The following SLC49A3 variants were observed in gnomAD, a reference collection of about 807,000 sequenced individuals.
SLC49A3 encodes solute carrier family 49 member 3.
A neutral mutation model predicts 43.8 loss-of-function variants in SLC49A3; 50 were observed. That is an observed-to-expected ratio of 1.14 (90% confidence interval 0.91 to 1.45). SLC49A3 has a LOEUF of 1.45. Among genes scored for constraint, SLC49A3 ranks in the 40% most tolerant of loss-of-function variants. SLC49A3 has a pLI of 0.00. For synonymous variants in SLC49A3, 413 were observed against 352.0 expected, an observed-to-expected ratio of 1.17 and a Z score of -1.94; for missense variants, 906 against 774.1, an observed-to-expected ratio of 1.17 and a Z score of -2.02.
In SLC49A3 at chr4:685,806, CCAGGCA is replaced by C. The variant is rs1397756945; in HGVS notation, c.585+23_585+28del. The C allele has an allele frequency of 1.2e-6, 2 of 1,612,238 alleles. No homozygotes were observed. The highest frequency in any genetic ancestry group is 2.2e-5 in the South Asian group (2 of 91,014). On this transcript the variant is annotated intron_variant, in intron 4 of 9. Coordinates refer to ENST00000322224, the MANE Select transcript of SLC49A3 (RefSeq NM_032219.4). The surrounding 1 kb of genome is among the most constrained non-coding windows in gnomAD (Gnocchi z 4.3). ...CGTGCATGCGCACACACCACACAGA[CCAGGCA>C]CGGGCGTCTCATGACCCCTCACCAT... is the stretch of plus-strand genomic sequence containing the variant.
chr4:682,047 CG>C lies in SLC49A3; in HGVS notation c.1590del (p.Gly531AlafsTer27). Reference sequence around the variant, plus strand: ...GCTTGGACCCTGCCTGCGAGTCTGCCGGGGCGGGAGGGCGCGTCGGTGGCTG... The same window carrying C: ...GCTTGGACCCTGCCTGCGAGTCTGCCGGGCGGGAGGGCGCGTCGGTGGCTG... The part of the protein sequence containing the change: ...GPAATDAPSR[P>X]GRLAGRVQAS... On this transcript the variant is annotated frameshift_variant, in exon 10 of 10. Transcript: ENST00000322224. LOFTEE classifies it low-confidence loss of function (END_TRUNC). 1 of 1,419,638 alleles carries C rather than the reference CG, an allele frequency of 7.0e-7. No individual in the cohort carries two copies. The allele number at this position is 1,419,638 out of a possible 1,614,324, so 87.9% of individuals were successfully genotyped here.
chr4:688,905 C>T, intron 1 of SLC49A3, 88 bp downstream of exon 1: 1 of 1,479,978 alleles, frequency 6.8e-7, no homozygotes. Flanking sequence ...GCACCTGGCA[C>T]CTCGGGCTGT....
chr4:681,993 G>A lies in SLC49A3; in HGVS notation c.1645C>T (p.His549Tyr), dbSNP rs371278586. The A allele has an allele frequency of 7.8e-6, 11 of 1,413,938 alleles. No individual in the cohort carries two copies. Among genetic ancestry groups the A allele is most frequent in the Non-Finnish European group, 1.0e-5 (11 of 1,070,276 alleles). The allele number at this position is 1,413,938 out of a possible 1,614,324, so 87.6% of individuals were successfully genotyped here. Residue 549 changes from histidine (H) to tyrosine (Y), a missense_variant, in exon 10 of 10, where the codon CAC becomes TAC. Coordinates refer to ENST00000322224, the MANE Select transcript of SLC49A3 (RefSeq NM_032219.4). Reference protein sequence around the residue: ...ASRFIDPAGSHSSFSSPWVIT With the variant: ...ASRFIDPAGSYSSFSSPWVIT ...ACCCACGGGGAGGAGAAGGAGGAGTGAGACCCAGCCGGGTCAATAAACCTG... is the reference window on the plus strand; with the variant it reads ...ACCCACGGGGAGGAGAAGGAGGAGTAAGACCCAGCCGGGTCAATAAACCTG...
downstream of SLC49A3, chr4:680,452 T>C: frequency 6.4e-7 from 1 of 1,569,218 alleles, no homozygotes; most frequent in Non-Finnish European, 8.8e-7. Context: ...CATCTGCCCT[T>C]GGCAGCCACG....
At chr4:679,789 G>C (rs1739259199), downstream of SLC49A3, 29 of 733,148 alleles carry the variant, frequency 4.0e-5, no homozygotes, top group South Asian at 4.5e-4. Flanking sequence ...CCTGGGCCAA[G>C]CGTCTCCTTC....
chr4:679,119 G>A (rs778222116), downstream of SLC49A3: 19 of 1,321,398 alleles, frequency 1.4e-5, no homozygotes, highest in Non-Finnish European at 8.7e-6. Context: ...GCCCCTCCTC[G>A]AATGGAGCCA....
At chr4:682,441 A>G (rs1237382494) in intron 9 of SLC49A3, 65 bp from the exon 10 acceptor site, 8 of 1,293,290 alleles carry the variant, frequency 6.2e-6, no homozygotes, top group African/African-American at 6.0e-5. Context: ...GCAGAGCCCA[A>G]TGCTGGCCTA....
chr4:687,675 A>G (rs1741327891), intron 1 of SLC49A3, among the ~76,000 whole-genome samples: 2 of 152,138 alleles, frequency 1.3e-5, no homozygotes, highest in Non-Finnish European at 2.9e-5. Flanking sequence ...TGGGAGGACG[A>G]TCTGTCTGAC....
At position 686,262 on chromosome 4, in the gene SLC49A3, A is replaced by G. The variant is rs1741003484; in HGVS notation, c.335T>C (p.Leu112Pro). 1 of 1,613,340 alleles carries G rather than the reference A, an allele frequency of 6.2e-7. No individual in the cohort carries two copies. The highest frequency in any genetic ancestry group is 8.5e-7 in the Non-Finnish European group (1 of 1,180,018). Reference sequence around the variant, plus strand: ...AACAACCATGCAGGGCACCATGCGTAGCACACTCCCGGCAAAGTTCAGCCA... The same window carrying G: ...AACAACCATGCAGGGCACCATGCGTGGCACACTCCCGGCAAAGTTCAGCCA... ...GAWLNFAGSV[L>P]RMVPCMVVGT... is the part of the protein sequence containing the mutation. The change falls in exon 3 of 10, where the codon CTA becomes CCA. Residue 112 changes from leucine (L) to proline (P), a missense_variant. Transcript: ENST00000322224.
At chr4:679,155 A>G (rs1303537324), downstream of SLC49A3, 3 of 927,078 alleles carry the variant, frequency 3.2e-6, no homozygotes, top group East Asian at 8.0e-5. Context: ...AGGCCCACCA[A>G]CGGCCCTGAA....
chr4:683,900 G>A (rs905195133), intron 6 of SLC49A3, 139 bp from the exon 7 acceptor site: 20 of 1,127,208 alleles, frequency 1.8e-5, no homozygotes, highest in Middle Eastern at 3.1e-4. Flanking sequence ...CAGACGCACC[G>A]CTGGCTGCCT....
At chr4:683,537 G>T in intron 7 of SLC49A3, 72 bp downstream of exon 7, 2 of 1,534,776 alleles carry the variant, frequency 1.3e-6, no homozygotes, top group East Asian at 2.3e-5. Flanking sequence ...CAGCCAAGCC[G>T]CCAACCGCCC....
chr4:679,940 C>G (rs754619732), downstream of SLC49A3: 1 of 1,613,838 alleles, frequency 6.2e-7, no homozygotes, highest in Admixed American at 1.7e-5. Flanking sequence ...GGACGACGAG[C>G]TGGACGCCAT....
At position 685,760 on chromosome 4, in the gene SLC49A3, T is replaced by C. The variant is rs1740874949; in HGVS notation, c.585+75A>G. 6 of 1,497,856 alleles carry C rather than the reference T, an allele frequency of 4.0e-6. No homozygotes were observed. Among genetic ancestry groups the C allele is most frequent in the Non-Finnish European group, 5.6e-6 (6 of 1,079,352 alleles). 92.8% of individuals were successfully genotyped at this position (1,497,856 alleles called of 1,614,324 possible). ...CACGGGCACAGGAACACGGACACAC[T>C]TGGGATCAGGAACACACAGACGTGC... On this transcript the variant is annotated intron_variant, in intron 4 of 9. Transcript: ENST00000322224. The surrounding 1 kb of genome is among the most constrained non-coding windows in gnomAD (Gnocchi z 4.3).
intron 8 of SLC49A3, 75 bp from the exon 9 acceptor site, chr4:682,965 G>T: frequency 1.5e-6 from 2 of 1,328,546 alleles, no homozygotes; most frequent in Non-Finnish European, 2.1e-6. Context: ...GGGAAATGTT[G>T]ACATCGGTGC....
downstream of SLC49A3, among the ~76,000 whole-genome samples, chr4:681,471 C>T (rs138857123): frequency 0.034 from 5,044 of 148,864 alleles, 116 homozygotes; most frequent in Non-Finnish European, 0.047. Context: ...CCAGCCCCAG[C>T]GGGCGAGACT....
chr4:682,358 G>T lies in SLC49A3; in HGVS notation c.1280C>A (p.Ala427Asp). Residue 427 changes from alanine to aspartate, a missense_variant, in exon 10 of 10, where the codon GCC becomes GAC. Transcript: ENST00000322224. The stretch of plus-strand genomic sequence containing the variant: ...GCAGCTGAAGAAGGTGCACAGGCCG[G>T]CCATCAGCAGCAGAGACACTGGGGA... ...LDWTVSLLLM[A>D]GLCTFFSCIL... 1 of 1,340,008 alleles carries T rather than the reference G, an allele frequency of 7.5e-7. No individual in the cohort carries two copies. The highest frequency in any genetic ancestry group is 2.8e-5 in the East Asian group (1 of 35,858). The allele number at this position is 1,340,008 out of a possible 1,614,324, so 83.0% of individuals were successfully genotyped here.
At chr4:681,377 C>T (rs962615215), downstream of SLC49A3, among the ~76,000 whole-genome samples, 1 of 151,970 alleles carries the variant, frequency 6.6e-6, no homozygotes, top group Non-Finnish European at 1.5e-5. Flanking sequence ...GACCCCTCCG[C>T]GGCCTGAGCG....
downstream of SLC49A3, chr4:680,616 G>T: frequency 6.2e-7 from 1 of 1,604,916 alleles, no homozygotes; most frequent in Non-Finnish European, 8.5e-7. Context: ...AGGGCGGCCC[G>T]GCTTCCGGGG....
Sources: gnomAD v4.1 joint callset for allele counts (sites outside exome capture counted in the v4.1 genomes callset) on GRCh38, gnomAD v4.1.1 for gene constraint, Gnocchi (gnomAD v3.1) non-coding constraint, MANE v1.5 for transcripts, NCBI Gene and HGNC (gene_info 2026-07-23, HGNC 2026-07-21) for gene names.